PCDH11X: variants seen among roughly 807,000 people sequenced by gnomAD.
PCDH11X encodes protocadherin-11 X-linked.
Under a neutral mutation model 53.3 loss-of-function variants are expected in PCDH11X, and 18 were observed. That is an observed-to-expected ratio of 0.34 (90% CI 0.23 to 0.50). PCDH11X has a LOEUF of 0.50. Among genes scored for constraint, PCDH11X ranks in the 20% least tolerant of loss-of-function variants. The pLI is 0.98. For synonymous variants in PCDH11X, 279 were observed against 393.3 expected (o/e 0.71, Z 3.44); for missense variants, 570 against 1,032.4 (o/e 0.55, Z 6.14).
intron 1 of PCDH11X, among the ~76,000 whole-genome samples, chrX:91,794,394 G>C: frequency 9.0e-6 from 1 of 111,501 alleles, no homozygotes. Context: ...TGTAGACTGA[G>C]TTACTGGTGG....
At chrX:91,881,299 G>A (rs1939891130) in intron 6 of PCDH11X, among the ~76,000 whole-genome samples, 1 of 110,704 alleles carries the variant, frequency 9.0e-6, no homozygotes, top group Non-Finnish European at 1.9e-5. Flanking sequence ...ATAACTAAGA[G>A]ACATTTTCTG....
intron 6 of PCDH11X, among the ~76,000 whole-genome samples, chrX:92,165,205 T>C (rs1180221108): frequency 8.9e-6 from 1 of 112,058 alleles, no homozygotes; most frequent in African/African-American, 3.2e-5. Flanking sequence ...AAAAAGATCA[T>C]TCTTGGCATA....
At chrX:92,254,603 A>G (rs1263655904) in intron 7 of PCDH11X, among the ~76,000 whole-genome samples, 4 of 108,854 alleles carry the variant, frequency 3.7e-5, no homozygotes, top group African/African-American at 1.0e-4. Flanking sequence ...CATGTTTAGC[A>G]CTTCCTTTAG....
chrX:92,278,936 C>G (rs1043419292), intron 8 of PCDH11X, among the ~76,000 whole-genome samples: 1 of 108,197 alleles, frequency 9.2e-6, no homozygotes, highest in Non-Finnish European at 1.9e-5. Flanking sequence ...CTTAGCCTTC[C>G]GAGTAGCTGG....
At chrX:92,134,961 G>A (rs1425203529) in intron 6 of PCDH11X, among the ~76,000 whole-genome samples, 2 of 110,745 alleles carry the variant, frequency 1.8e-5, no homozygotes, top group African/African-American at 6.6e-5. Flanking sequence ...AACCATCTGG[G>A]AATGCAGCCC....
chrX:92,179,013 C>T (rs962833503), intron 6 of PCDH11X, among the ~76,000 whole-genome samples: 1 of 111,781 alleles, frequency 8.9e-6, no homozygotes, highest in African/African-American at 3.2e-5. Context: ...AGCATGCACG[C>T]TAACACATAG....
At chrX:92,100,078 TAA>T (rs1347142529) in intron 6 of PCDH11X, among the ~76,000 whole-genome samples, 1 of 111,939 alleles carries the variant, frequency 8.9e-6, no homozygotes, top group Non-Finnish European at 1.9e-5. Context: ...TATTTTCCCT[TAA>T]GTGTTTTTTC....
chrX:92,305,748 G>T (rs1343660490), intron 8 of PCDH11X, among the ~76,000 whole-genome samples: 2 of 111,087 alleles, frequency 1.8e-5, no homozygotes, highest in Non-Finnish European at 3.8e-5. Flanking sequence ...ATATGCATAT[G>T]TGTTACGAAT....
At chrX:92,032,851 ATT>A (rs755247253) in intron 6 of PCDH11X, among the ~76,000 whole-genome samples, 1 of 97,938 alleles carries the variant, frequency 1.0e-5, no homozygotes. Context: ...ATGATAAATG[ATT>A]TTTTTTTTTT....
chrX:92,015,484 T>A (rs1418754989), intron 6 of PCDH11X, among the ~76,000 whole-genome samples: 1 of 112,811 alleles, frequency 8.9e-6, no homozygotes, highest in Non-Finnish European at 1.9e-5. Flanking sequence ...TTTTATGCCC[T>A]GCCACTGCCT....
rs375571212 is a variant in PCDH11X, at chrX:92,257,579, G to A, written c.3115-5535G>A. Among the ~76,000 whole-genome samples the A allele has an allele frequency of 1.6e-4, 18 of 112,208 alleles. No individual in the cohort carries two copies. In the East Asian group the frequency reaches 2.8e-3, roughly 18 times the overall value. On this transcript the variant is annotated intron_variant, in intron 7 of 10. Coordinates refer to ENST00000682573, the MANE Select transcript of PCDH11X (RefSeq NM_032968.5). Reference sequence around the variant, plus strand: ...GATACAATGGTCTTACAGACATTGGGTAAATACTCTCATTCAAAAAGGAAG... The same window carrying A: ...GATACAATGGTCTTACAGACATTGGATAAATACTCTCATTCAAAAAGGAAG...
chrX:92,171,550 C>A (rs1001064308), intron 6 of PCDH11X, among the ~76,000 whole-genome samples: 3 of 110,996 alleles, frequency 2.7e-5, no homozygotes, highest in African/African-American at 9.8e-5. Flanking sequence ...ACCTGTGCTT[C>A]CTGGGTTCAA....
chrX:91,883,668 G>A (rs1940039588), intron 6 of PCDH11X: 3 of 492,169 alleles, frequency 6.1e-6, no homozygotes, highest in African/African-American at 5.2e-5. Context: ...AGCCTGGCGT[G>A]GTGGCGGGCG....
At chrX:92,421,187 T>C (rs1310234956) in intron 9 of PCDH11X, among the ~76,000 whole-genome samples, 1 of 111,835 alleles carries the variant, frequency 8.9e-6, no homozygotes, top group African/African-American at 3.3e-5. Flanking sequence ...CCATGGGGCC[T>C]TGGTATACAG....
At chrX:92,030,553 C>A (rs1167187365) in intron 6 of PCDH11X, among the ~76,000 whole-genome samples, 1 of 108,085 alleles carries the variant, frequency 9.3e-6, no homozygotes, top group African/African-American at 3.4e-5. Flanking sequence ...ACTATAGTCA[C>A]CCTGCTGTGC....
At chrX:92,175,955 AT>A (rs2065903856) in intron 6 of PCDH11X, among the ~76,000 whole-genome samples, 1 of 110,047 alleles carries the variant, frequency 9.1e-6, no homozygotes, top group African/African-American at 3.3e-5. Context: ...AAATATTGCA[AT>A]TTTTCCATTT....
At chrX:91,851,902 G>A (rs1326182242) in intron 5 of PCDH11X, among the ~76,000 whole-genome samples, 1 of 109,999 alleles carries the variant, frequency 9.1e-6, no homozygotes, top group Non-Finnish European at 1.9e-5. Context: ...AATAATCTAA[G>A]TCAAAAGCTT....
intron 6 of PCDH11X, among the ~76,000 whole-genome samples, chrX:91,926,051 T>C (rs1354562463): frequency 1.1e-5 from 1 of 93,881 alleles, no homozygotes; most frequent in Non-Finnish European, 2.1e-5. Flanking sequence ...ACAGGATGTA[T>C]GCATATATAC....
chrX:92,501,306 G>A (rs2073955512), intron 10 of PCDH11X, among the ~76,000 whole-genome samples: 1 of 111,282 alleles, frequency 9.0e-6, no homozygotes, highest in Non-Finnish European at 1.9e-5. Context: ...GTACAAAGAA[G>A]AGCTGGTTTC....
Sources: allele counts gnomAD v4.1 joint callset (sites outside exome capture counted in the v4.1 genomes callset), GRCh38; gene constraint gnomAD v4.1.1; transcripts MANE v1.5; gene names NCBI Gene and HGNC (gene_info 2026-07-23, HGNC 2026-07-21).